ULK4: variants seen among roughly 807,000 people sequenced by gnomAD.
ULK4 encodes unc-51 like kinase 4, also known as inactive serine/threonine-protein kinase ULK4.
A neutral mutation model predicts 160.6 loss-of-function variants in ULK4; 133 were observed. The observed-to-expected ratio is 0.83, with a 90% CI of 0.72 to 0.96. The LOEUF (loss-of-function observed/expected upper bound fraction) is 0.96, where lower values mean the gene tolerates loss of function less well. Ranked by LOEUF, ULK4 falls within the 40% of genes least tolerant of loss-of-function variation. ULK4 has a pLI of 0.00. For synonymous variants in ULK4, 534 were observed against 539.8 expected (o/e 0.99, Z 0.15); for missense variants, 1,580 against 1,499.5 (o/e 1.05, Z -0.89).
At chr3:41,432,287 T>G (rs866133941) in intron 34 of ULK4, among the ~76,000 whole-genome samples, 11 of 152,198 alleles carry the variant, frequency 7.2e-5, no homozygotes, top group Non-Finnish European at 1.0e-4. Context: ...TGTTACCCAT[T>G]AGCACCTCAA....
chr3:41,643,569 G>C (rs1283465374), intron 30 of ULK4, among the ~76,000 whole-genome samples: 3 of 152,158 alleles, frequency 2.0e-5, no homozygotes, highest in Non-Finnish European at 2.9e-5. Context: ...TTTGGTACCA[G>C]TACCGTGCTG....
At chr3:41,279,359 G>A (rs998753420) in intron 35 of ULK4, among the ~76,000 whole-genome samples, 1 of 151,750 alleles carries the variant, frequency 6.6e-6, no homozygotes, top group African/African-American at 2.4e-5. Context: ...AAATGACGGG[G>A]AGAATGGGAC....
chr3:41,777,993 CAGG>C (rs1382554153), intron 21 of ULK4, among the ~76,000 whole-genome samples: 1 of 131,314 alleles, frequency 7.6e-6, no homozygotes, highest in African/African-American at 3.1e-5. Context: ...GGCAATCAGG[CAGG>C]AGAAGGAAAT....
At chr3:41,734,903 G>A (rs1299301810) in intron 22 of ULK4, among the ~76,000 whole-genome samples, 3 of 152,214 alleles carry the variant, frequency 2.0e-5, no homozygotes, top group Admixed American at 6.5e-5. Context: ...ACGCTGACCA[G>A]TGAGTAGGCA....
chr3:41,757,418 G>A (rs1205775174), intron 21 of ULK4, among the ~76,000 whole-genome samples: 1 of 151,982 alleles, frequency 6.6e-6, no homozygotes, highest in Admixed American at 6.5e-5. Context: ...AGAACACGTG[G>A]TCAGGAGATC....
intron 29 of ULK4, among the ~76,000 whole-genome samples, chr3:41,669,117 A>C (rs565050847): frequency 3.6e-4 from 55 of 152,348 alleles, no homozygotes; most frequent in African/African-American, 1.3e-3. Context: ...CATCTGGAGG[A>C]ATGCAAATTA....
At chr3:41,870,953 C>T (rs1697066905) in intron 17 of ULK4, among the ~76,000 whole-genome samples, 1 of 152,180 alleles carries the variant, frequency 6.6e-6, no homozygotes, top group Non-Finnish European at 1.5e-5. Flanking sequence ...ATGCTATTCT[C>T]ATAACAGTGA....
intron 32 of ULK4, among the ~76,000 whole-genome samples, chr3:41,491,348 T>G: frequency 6.6e-6 from 1 of 151,944 alleles, no homozygotes; most frequent in East Asian, 1.9e-4. Context: ...GTAAGAAAAC[T>G]GCCAAAGAAG....
chr3:41,400,470 A>C (rs376642960), intron 34 of ULK4, among the ~76,000 whole-genome samples: 2 of 152,338 alleles, frequency 1.3e-5, no homozygotes, highest in East Asian at 3.9e-4. Context: ...TTCACTCAGC[A>C]TAATTTCTTT....
chr3:41,495,332 A>T (rs1355831847), intron 32 of ULK4, among the ~76,000 whole-genome samples: 1 of 152,116 alleles, frequency 6.6e-6, no homozygotes, highest in Non-Finnish European at 1.5e-5. Context: ...TGGGGAAAGG[A>T]TTCCCTATTT....
chr3:41,893,342 T>G (rs1465116394), intron 16 of ULK4, among the ~76,000 whole-genome samples: 3 of 152,194 alleles, frequency 2.0e-5, no homozygotes, highest in Non-Finnish European at 2.9e-5. Context: ...AGTATTACAC[T>G]ATTACTATAT....
chr3:41,663,998 T>C (rs2035271841), intron 29 of ULK4, among the ~76,000 whole-genome samples: 2 of 152,172 alleles, frequency 1.3e-5, no homozygotes, highest in African/African-American at 4.8e-5. Flanking sequence ...GGTACAAGCA[T>C]CTGAAAAATC....
intron 21 of ULK4, among the ~76,000 whole-genome samples, chr3:41,773,092 T>A (rs2039459625): frequency 1.3e-5 from 2 of 152,190 alleles, no homozygotes; most frequent in African/African-American, 4.8e-5. Flanking sequence ...GAGCTATCTA[T>A]GACAAACCCA....
chr3:41,409,644 T>C (rs2082370789), intron 34 of ULK4, among the ~76,000 whole-genome samples: 1 of 152,074 alleles, frequency 6.6e-6, no homozygotes, highest in Non-Finnish European at 1.5e-5. Context: ...ATAGCATTAG[T>C]CATCAAGAAA....
At chr3:41,825,188 G>A (rs141169786) in intron 18 of ULK4, among the ~76,000 whole-genome samples, 1 of 146,664 alleles carries the variant, frequency 6.8e-6, no homozygotes, top group African/African-American at 2.7e-5. Context: ...AAAGACCAAA[G>A]GTAGATAAAA....
At chr3:41,492,238 T>C (rs1180684865) in intron 32 of ULK4, among the ~76,000 whole-genome samples, 2 of 152,124 alleles carry the variant, frequency 1.3e-5, no homozygotes, top group African/African-American at 2.4e-5. Context: ...GTCCTTTGGG[T>C]ATATACCCAG....
chr3:41,671,192 T>C (rs897361160), intron 29 of ULK4, among the ~76,000 whole-genome samples: 3 of 152,048 alleles, frequency 2.0e-5, no homozygotes, highest in African/African-American at 7.2e-5. Context: ...GAAATCTCTA[T>C]GAAAATACCA....
At chr3:41,276,316 C>G (rs1164379993) in intron 35 of ULK4, among the ~76,000 whole-genome samples, 1 of 152,180 alleles carries the variant, frequency 6.6e-6, no homozygotes, top group Non-Finnish European at 1.5e-5. Flanking sequence ...CCTTTCCGGA[C>G]CTTCGAGTCT....
At chr3:41,371,156 T>A (rs1338376661) in intron 35 of ULK4, among the ~76,000 whole-genome samples, 1 of 152,164 alleles carries the variant, frequency 6.6e-6, no homozygotes, top group Non-Finnish European at 1.5e-5. Context: ...CAGGGTACTG[T>A]AGATCAAACT....
Sources: gnomAD v4.1 joint callset for allele counts (sites outside exome capture counted in the v4.1 genomes callset) on GRCh38, gnomAD v4.1.1 for gene constraint, MANE v1.5 for transcripts, NCBI Gene and HGNC (gene_info 2026-07-23, HGNC 2026-07-21) for gene names.